Variants in ESRRG observed in about 807,000 individuals in gnomAD.
ESRRG encodes estrogen-related receptor gamma.
ESRRG carries 13 observed loss-of-function variants against 44.0 expected under a neutral mutation model. The observed-to-expected ratio is 0.30, with a 90% CI of 0.19 to 0.47. The LOEUF (loss-of-function observed/expected upper bound fraction) is 0.47. Ranked by LOEUF, ESRRG falls within the 20% of genes least tolerant of loss-of-function variation. The pLI, the probability that ESRRG is intolerant of heterozygous loss-of-function variation, is 1.00. For missense variants in ESRRG, 395 were observed against 580.6 expected, an observed-to-expected ratio of 0.68 and a Z score of 3.29; for synonymous variants, 215 against 214.6, an observed-to-expected ratio of 1.00 and a Z score of -0.02.
At chr1:216,758,110 A>C (rs1009021778) in intron 2 of ESRRG, among the ~76,000 whole-genome samples, 40 of 152,070 alleles carry the variant, frequency 2.6e-4, no homozygotes, top group African/African-American at 9.7e-4. Flanking sequence ...CTTTCCTGCC[A>C]TACCTCCTCC....
At chr1:216,765,805 G>A (rs1288264580) in intron 2 of ESRRG, among the ~76,000 whole-genome samples, 1 of 151,138 alleles carries the variant, frequency 6.6e-6, no homozygotes, top group Non-Finnish European at 1.5e-5. Context: ...CAAAGCTTTT[G>A]AACATGCTGT....
chr1:216,818,207 T>TG (rs1396695508), intron 2 of ESRRG, among the ~76,000 whole-genome samples: 3 of 152,188 alleles, frequency 2.0e-5, no homozygotes, highest in Non-Finnish European at 4.4e-5. Context: ...TCATTATTGA[T>TG]GGGGGGAAAT....
chr1:216,513,343 G>C (rs1445700590), intron 6 of ESRRG, among the ~76,000 whole-genome samples: 1 of 152,072 alleles, frequency 6.6e-6, no homozygotes, highest in Non-Finnish European at 1.5e-5. Context: ...ATCAAGTAGG[G>C]AGCTGAATCA....
At chr1:216,934,113 A>G (rs2063750913) in intron 2 of ESRRG, among the ~76,000 whole-genome samples, 2 of 152,162 alleles carry the variant, frequency 1.3e-5, no homozygotes, top group African/African-American at 4.8e-5. Flanking sequence ...ATATTTGTGT[A>G]TTAGTCTGTT....
upstream of ESRRG, among the ~76,000 whole-genome samples, chr1:216,728,339 C>T (rs942309737): frequency 1.3e-5 from 2 of 151,994 alleles, no homozygotes; most frequent in African/African-American, 4.8e-5. Context: ...TAAAATATTC[C>T]TATAGAAAGA....
intron 5 of ESRRG, among the ~76,000 whole-genome samples, chr1:216,561,618 C>G (rs2058753166): frequency 6.6e-6 from 1 of 152,142 alleles, no homozygotes; most frequent in Non-Finnish European, 1.5e-5. Context: ...TGACCAACCT[C>G]CTGAACCCAG....
At chr1:216,647,077 T>C (rs1415552163) in intron 3 of ESRRG, among the ~76,000 whole-genome samples, 1 of 152,132 alleles carries the variant, frequency 6.6e-6, no homozygotes, top group Non-Finnish European at 1.5e-5. Context: ...AGCTAGTATG[T>C]CCTGCAACAG....
In ESRRG at chr1:216,506,708, AAG is replaced by A. The variant is rs1239587817; in HGVS notation, c.*229_*230del. On this transcript the variant is annotated 3_prime_UTR_variant, in exon 7 of 7. Transcript: ENST00000408911. ...AAGAAAAGGAGAAAAAATAAAGAGA[AAG>A]AGAAATGTGGGAAGAAAGAGGAAAG... The A allele has an allele frequency of 4.5e-5, 28 of 623,206 alleles. No individual in the cohort carries two copies. The highest frequency in any genetic ancestry group is 4.2e-4 in the African/African-American group (22 of 52,800). The allele number at this position is 623,206 out of a possible 1,614,324, so 38.6% of individuals were successfully genotyped here.
intron 2 of ESRRG, among the ~76,000 whole-genome samples, chr1:216,747,197 T>A (rs1036420827): frequency 7.9e-5 from 12 of 152,200 alleles, no homozygotes; most frequent in Non-Finnish European, 1.8e-4. Context: ...ACAAGGATTC[T>A]GAGACGTCAT....
At chr1:217,017,962 T>A (rs997697674) in intron 1 of ESRRG, among the ~76,000 whole-genome samples, 1 of 152,208 alleles carries the variant, frequency 6.6e-6, no homozygotes, top group Non-Finnish European at 1.5e-5. Context: ...TTGCCTGCTG[T>A]CAGTCAAGGT....
At chr1:216,960,419 T>C (rs891378640) in intron 1 of ESRRG, among the ~76,000 whole-genome samples, 1 of 152,182 alleles carries the variant, frequency 6.6e-6, no homozygotes, top group African/African-American at 2.4e-5. Flanking sequence ...ATATCATTCC[T>C]TTGTTTTAAT....
chr1:216,822,983 G>C (rs2095327697), intron 2 of ESRRG, among the ~76,000 whole-genome samples: 1 of 152,130 alleles, frequency 6.6e-6, no homozygotes. Flanking sequence ...TTATTGTTGA[G>C]ATTGAAGATG....
chr1:216,696,260 G>A (rs1056956785), intron 1 of ESRRG, among the ~76,000 whole-genome samples: 1 of 152,096 alleles, frequency 6.6e-6, no homozygotes, highest in African/African-American at 2.4e-5. Context: ...ATTTTCTGTT[G>A]AAATCCTTCA....
intron 1 of ESRRG, among the ~76,000 whole-genome samples, chr1:217,066,275 G>T (rs1462094633): frequency 3.2e-5 from 3 of 93,046 alleles, no homozygotes; most frequent in Non-Finnish European, 4.5e-5. Context: ...TTTTTTTTGA[G>T]ACGGAGTCTC....
chr1:216,914,602 T>C (rs979608878), intron 2 of ESRRG, among the ~76,000 whole-genome samples: 3 of 152,188 alleles, frequency 2.0e-5, no homozygotes, highest in Non-Finnish European at 4.4e-5. Flanking sequence ...AGAAACTGAA[T>C]TGTACAATTT....
At chr1:217,114,966 G>C (rs1278707401) in intron 1 of ESRRG, among the ~76,000 whole-genome samples, 1 of 152,040 alleles carries the variant, frequency 6.6e-6, no homozygotes, top group African/African-American at 2.4e-5. Flanking sequence ...CCCAGGCAAG[G>C]TTTTTCTAGT....
At chr1:216,930,416 C>G (rs2063181378) in intron 2 of ESRRG, among the ~76,000 whole-genome samples, 1 of 152,194 alleles carries the variant, frequency 6.6e-6, no homozygotes, top group Non-Finnish European at 1.5e-5. Flanking sequence ...GAATTACTCT[C>G]TCCTCAAGCT....
At chr1:216,804,437 A>T (rs1290532486) in intron 2 of ESRRG, among the ~76,000 whole-genome samples, 11 of 152,128 alleles carry the variant, frequency 7.2e-5, no homozygotes, top group Admixed American at 1.3e-4. Context: ...CAACACTTAA[A>T]CTGAATGTTA....
Position 216,672,839 on chromosome 1 carries a change from C to T in ESRRG, c.472+4237G>A, listed in dbSNP as rs78487923. Among the ~76,000 whole-genome samples the T allele has an allele frequency of 9.5e-4, 144 of 152,222 alleles. No homozygotes were observed. The East Asian group carries it at 0.019, about 20-fold the overall frequency. On this transcript the variant is annotated intron_variant, in intron 2 of 6. Transcript: ENST00000408911. ...CCAAGATCACATCACTGTACAACAG[C>T]CTGGGCAACACAGTGAGACCCTGTC...
Sources: allele counts gnomAD v4.1 joint callset (sites outside exome capture counted in the v4.1 genomes callset), GRCh38; gene constraint gnomAD v4.1.1; transcripts MANE v1.5; gene names NCBI Gene and HGNC (gene_info 2026-07-23, HGNC 2026-07-21).